TNS3: variants seen among roughly 807,000 people sequenced by gnomAD.
TNS3 encodes the protein tensin 3.
In TNS3, 45 loss-of-function variants were observed where a neutral mutation model predicts 140.9. The ratio of observed to expected loss-of-function variants is 0.32; its 90% CI spans 0.25 to 0.41. The LOEUF (loss-of-function observed/expected upper bound fraction) is 0.41, where lower values mean the gene tolerates loss of function less well. Among genes scored for constraint, TNS3 ranks in the 10% least tolerant of loss-of-function variants. The probability of loss-of-function intolerance (pLI) is 1.00; values close to 1 mark genes in which losing one functional copy is unlikely to be tolerated. For missense variants in TNS3, 1,716 were observed against 1,906.7 expected, an observed-to-expected ratio of 0.90 and a Z score of 1.86; for synonymous variants, 815 against 788.4, an observed-to-expected ratio of 1.03 and a Z score of -0.56.
intron 16 of TNS3, among the ~76,000 whole-genome samples, chr7:47,395,704 A>G (rs1387506555): frequency 6.6e-6 from 1 of 152,208 alleles, no homozygotes; most frequent in African/African-American, 2.4e-5. Context: ...TACAGGCCAG[A>G]GCAAAGCTCT....
intron 16 of TNS3, among the ~76,000 whole-genome samples, chr7:47,394,951 G>T (rs969671384): frequency 2.0e-5 from 3 of 152,218 alleles, no homozygotes; most frequent in African/African-American, 7.2e-5. Context: ...GCACAGAGCT[G>T]CCCTCCAGAG....
intron 17 of TNS3, among the ~76,000 whole-genome samples, chr7:47,349,320 A>C (rs1056540665): frequency 6.6e-6 from 1 of 152,248 alleles, no homozygotes; most frequent in East Asian, 1.9e-4. Flanking sequence ...CTTGTGCTCA[A>C]ATCTGTGTGG....
chr7:47,487,299 A>G (rs1428369205), intron 3 of TNS3, among the ~76,000 whole-genome samples: 3 of 150,596 alleles, frequency 2.0e-5, no homozygotes, highest in African/African-American at 4.9e-5. Flanking sequence ...TCTCAAAAGA[A>G]AAAAAAAAAA....
At chr7:47,499,721 C>A (rs1274409077) in intron 3 of TNS3, among the ~76,000 whole-genome samples, 1 of 152,114 alleles carries the variant, frequency 6.6e-6, no homozygotes, top group East Asian at 1.9e-4. Flanking sequence ...GAGAGAGAAG[C>A]GCGGCACAGA....
At chr7:47,570,613 C>G (rs1434821070) in intron 1 of TNS3, among the ~76,000 whole-genome samples, 1 of 152,240 alleles carries the variant, frequency 6.6e-6, no homozygotes, top group Non-Finnish European at 1.5e-5. Context: ...GCATTTCCCT[C>G]TCTCCTCGTA....
intron 20 of TNS3, among the ~76,000 whole-genome samples, chr7:47,332,597 A>G (rs1788404638): frequency 6.6e-6 from 1 of 152,114 alleles, no homozygotes; most frequent in Non-Finnish European, 1.5e-5. Context: ...ATTCTCATAG[A>G]CAATGGGGCT....
intron 1 of TNS3, among the ~76,000 whole-genome samples, chr7:47,552,423 T>C (rs1800088884): frequency 6.6e-6 from 1 of 152,238 alleles, no homozygotes; most frequent in Admixed American, 6.5e-5. Flanking sequence ...CTCAGTTTTT[T>C]TTAACAAACT....
rs140112123 is a variant in TNS3 at position 47,456,384 on chromosome 7, G to A, written c.-75-14329C>T. Among the ~76,000 whole-genome samples, 896 of 152,244 alleles carry A rather than the reference G, an allele frequency of 5.9e-3. 13 individuals carry two copies. The highest frequency in any genetic ancestry group is 0.021 in the African/African-American group (862 of 41,528). ...CTATTAAACATTCACCAGCAACCCC[G>A]TGATATTCGTCCTCTAGAAGCCTCA... On this transcript the variant is annotated intron_variant, in intron 4 of 30. Coordinates refer to ENST00000311160, the MANE Select transcript of TNS3 (RefSeq NM_022748.12).
At chr7:47,334,782 C>T (rs1383755925) in intron 20 of TNS3, among the ~76,000 whole-genome samples, 2 of 151,832 alleles carry the variant, frequency 1.3e-5, no homozygotes, top group Non-Finnish European at 2.9e-5. Flanking sequence ...CTAATTCTTG[C>T]ATTTTTAGTA....
chr7:47,333,082 G>T (rs1370728676), intron 20 of TNS3, among the ~76,000 whole-genome samples: 1 of 152,126 alleles, frequency 6.6e-6, no homozygotes, highest in Non-Finnish European at 1.5e-5. Context: ...CCGCGGATGA[G>T]GTGTCAGCAC....
At chr7:47,453,156 G>A in intron 4 of TNS3, 5 of 985,658 alleles carry the variant, frequency 5.1e-6, no homozygotes, top group Non-Finnish European at 6.0e-6. Context: ...CAGCTGGCAG[G>A]TGTGCCCGGC....
At chr7:47,378,099 G>A (rs569479407) in intron 16 of TNS3, among the ~76,000 whole-genome samples, 2 of 152,142 alleles carry the variant, frequency 1.3e-5, no homozygotes, top group African/African-American at 2.4e-5. Flanking sequence ...GGTGTTTGCT[G>A]ATATCAGCTC....
intron 6 of TNS3, 144 bp from the exon 7 acceptor site, chr7:47,437,457 A>T: frequency 3.4e-6 from 1 of 295,684 alleles, no homozygotes; most frequent in East Asian, 7.1e-5. Flanking sequence ...CAGGGGGAAA[A>T]AAAGCTTTTA....
intron 22 of TNS3, 55 bp from the exon 23 acceptor site, chr7:47,302,327 C>G: frequency 7.2e-7 from 1 of 1,382,510 alleles, no homozygotes; most frequent in Non-Finnish European, 1.0e-6. Flanking sequence ...CTTCTTGCAA[C>G]CTCTCATCTG....
chr7:47,521,371 A>C (rs1311011621), intron 2 of TNS3, among the ~76,000 whole-genome samples: 1 of 152,206 alleles, frequency 6.6e-6, no homozygotes, highest in Non-Finnish European at 1.5e-5. Flanking sequence ...CAGCTGCCGC[A>C]CCTGCTCAGT....
chr7:47,557,203 A>C (rs1800218002), intron 1 of TNS3: 2 of 452,506 alleles, frequency 4.4e-6, no homozygotes, highest in East Asian at 7.0e-5. Flanking sequence ...GCGTCTGGGA[A>C]AGTTTACAAG....
rs1006500673 is a variant in TNS3, at chr7:47,399,178, G to T, written c.919+1215C>A. ...AACACTGATGAAAGAAATCAGAAATGACACAAACAAGTGGAAACACATCCC... is the reference window on the plus strand; with the variant it reads ...AACACTGATGAAAGAAATCAGAAATTACACAAACAAGTGGAAACACATCCC... On this transcript the variant is annotated intron_variant, in intron 15 of 30. Coordinates refer to ENST00000311160, the MANE Select transcript of TNS3 (RefSeq NM_022748.12). Among the ~76,000 whole-genome samples the T allele has an allele frequency of 4.0e-5, 6 of 150,122 alleles. No individual in the cohort carries two copies. The East Asian group carries it at 1.2e-3, about 29-fold the overall frequency.
chr7:47,448,886 G>A (rs1206941686), intron 4 of TNS3, among the ~76,000 whole-genome samples: 1 of 152,300 alleles, frequency 6.6e-6, no homozygotes. Context: ...ACAGACCTGG[G>A]TGTGAGTCCC....
chr7:47,373,010 C>T (rs1791166087), intron 16 of TNS3, among the ~76,000 whole-genome samples: 1 of 152,022 alleles, frequency 6.6e-6, no homozygotes, highest in African/African-American at 2.4e-5. Flanking sequence ...CCCAGGAGCT[C>T]CACAGACAAC....
Sources: allele counts gnomAD v4.1 joint callset (sites outside exome capture counted in the v4.1 genomes callset), GRCh38; gene constraint gnomAD v4.1.1; transcripts MANE v1.5; gene names NCBI Gene and HGNC (gene_info 2026-07-23, HGNC 2026-07-21).